Variants in GCSAML observed in about 807,000 individuals in gnomAD.
The protein encoded by GCSAML is germinal center-associated signaling and motility-like protein.
Under a neutral mutation model 13.0 loss-of-function variants are expected in GCSAML, and 9 were observed. The ratio of observed to expected loss-of-function variants is 0.69; its 90% CI spans 0.42 to 1.21. The LOEUF is 1.21. GCSAML is among the 50% of genes most tolerant of loss of function. The pLI is 0.00. For missense variants in GCSAML, 143 were observed against 153.4 expected, an observed-to-expected ratio of 0.93 and a Z score of 0.36; for synonymous variants, 37 against 52.9, an observed-to-expected ratio of 0.70 and a Z score of 1.31.
intron 1 of GCSAML, among the ~76,000 whole-genome samples, chr1:247,521,232 G>A (rs1284524168): frequency 1.3e-5 from 2 of 151,522 alleles, no homozygotes; most frequent in Non-Finnish European, 2.9e-5. Context: ...TATACCTGCA[G>A]TATTAATTAT....
At chr1:247,540,309 G>C (rs1306981778) in intron 2 of GCSAML, among the ~76,000 whole-genome samples, 1 of 152,200 alleles carries the variant, frequency 6.6e-6, no homozygotes, top group Non-Finnish European at 1.5e-5. Flanking sequence ...GGGATTATAG[G>C]CTTGAGCCAC....
At chr1:247,564,192 A>G (rs1027845365) in intron 3 of GCSAML, among the ~76,000 whole-genome samples, 14 of 152,098 alleles carry the variant, frequency 9.2e-5, no homozygotes, top group African/African-American at 3.1e-4. Context: ...TCAGCCTCCG[A>G]AAGTGCTGGG....
upstream of GCSAML, among the ~76,000 whole-genome samples, chr1:247,544,921 AC>A (rs1558248923): frequency 6.6e-6 from 1 of 152,192 alleles, no homozygotes; most frequent in South Asian, 2.1e-4. Flanking sequence ...ACAACAAATA[AC>A]CAAGCAATCT....
At chr1:247,557,482 T>C (rs1667995147) in intron 2 of GCSAML, among the ~76,000 whole-genome samples, 2 of 152,212 alleles carry the variant, frequency 1.3e-5, no homozygotes, top group African/African-American at 2.4e-5. Context: ...TGCACTAAGC[T>C]CTTTTTTAAT....
At chr1:247,568,068 A>ATAT (rs1668456004) in intron 4 of GCSAML, among the ~76,000 whole-genome samples, 1 of 151,812 alleles carries the variant, frequency 6.6e-6, no homozygotes, top group Non-Finnish European at 1.5e-5. Flanking sequence ...TAGATTCTGG[A>ATAT]TATTAGCTCT....
At chr1:247,565,882 C>T in intron 3 of GCSAML, 49 bp from the exon 4 acceptor site, 4 of 1,453,600 alleles carry the variant, frequency 2.8e-6, no homozygotes, top group Non-Finnish European at 2.8e-6. Context: ...GGGCAAAAGT[C>T]TCACAGTGCT....
upstream of GCSAML, among the ~76,000 whole-genome samples, chr1:247,547,157 A>G (rs1667614435): frequency 6.6e-6 from 1 of 152,094 alleles, no homozygotes; most frequent in Admixed American, 6.6e-5. Context: ...GGGTAGTAGG[A>G]TTCTGGGTTA....
At chr1:247,566,069 T>A in intron 4 of GCSAML, 110 bp downstream of exon 4, 1 of 675,338 alleles carries the variant, frequency 1.5e-6, no homozygotes, top group Middle Eastern at 4.2e-4. Flanking sequence ...TCTGTCTTCC[T>A]TTATTTGTAA....
intron 1 of GCSAML, among the ~76,000 whole-genome samples, chr1:247,522,069 G>A (rs1269320498): frequency 8.7e-5 from 13 of 149,440 alleles, no homozygotes; most frequent in South Asian, 2.1e-4. Context: ...CTGCCCGACC[G>A]CCCCATCTGA....
intron 1 of GCSAML, among the ~76,000 whole-genome samples, chr1:247,552,721 T>G (rs1667819126): frequency 6.6e-6 from 1 of 152,258 alleles, no homozygotes; most frequent in Non-Finnish European, 1.5e-5. Context: ...TATAGAGATC[T>G]ATTTGCAAAT....
intron 2 of GCSAML, among the ~76,000 whole-genome samples, chr1:247,535,801 T>C (rs1174863159): frequency 6.6e-6 from 1 of 152,176 alleles, no homozygotes. Context: ...AATAGCGTTT[T>C]CAGTAAAGGA....
chr1:247,569,003 C>CTG (rs144015490), intron 4 of GCSAML, among the ~76,000 whole-genome samples: 88,996 of 151,644 alleles, frequency 0.59, 26,714 homozygotes, highest in East Asian at 0.8. Flanking sequence ...ATTTGGCTCT[C>CTG]TTTGTCTGTT....
intron 1 of GCSAML, among the ~76,000 whole-genome samples, chr1:247,513,590 C>G (rs1335519580): frequency 6.6e-6 from 1 of 152,204 alleles, no homozygotes; most frequent in East Asian, 1.9e-4. Flanking sequence ...CAGTGTCTGC[C>G]CAAACGGCCA....
At chr1:247,535,346 T>C (rs1667177101) in intron 2 of GCSAML, among the ~76,000 whole-genome samples, 1 of 151,712 alleles carries the variant, frequency 6.6e-6, no homozygotes, top group African/African-American at 2.4e-5. Flanking sequence ...ATCAGGGAGG[T>C]AGAGTTGAGA....
At chr1:247,547,373 T>C (rs1297130354), upstream of GCSAML, among the ~76,000 whole-genome samples, 1 of 152,144 alleles carries the variant, frequency 6.6e-6, no homozygotes, top group East Asian at 1.9e-4. Context: ...AGGAGATTTG[T>C]TTACCAGACC....
intron 1 of GCSAML, among the ~76,000 whole-genome samples, chr1:247,555,908 T>G (rs1051914317): frequency 6.6e-6 from 1 of 152,174 alleles, no homozygotes; most frequent in Non-Finnish European, 1.5e-5. Flanking sequence ...AAGTCAGCTT[T>G]CCTGAATGTA....
intron 2 of GCSAML, among the ~76,000 whole-genome samples, chr1:247,539,481 G>C (rs554969464): frequency 2.0e-5 from 3 of 152,286 alleles, no homozygotes; most frequent in Non-Finnish European, 2.9e-5. Context: ...CTATACATGA[G>C]AGATGTTATC....
chr1:247,576,393 A>C lies in GCSAML; in HGVS notation c.*2011A>C, dbSNP rs149136913. 5 of 152,132 alleles carry C rather than the reference A, an allele frequency of 3.3e-5. No homozygotes were observed. Among genetic ancestry groups the C allele is most frequent in the African/African-American group, 1.2e-4 (5 of 41,420 alleles). The allele number at this position is 152,132 out of a possible 1,614,324, so 9.4% of individuals were successfully genotyped here. A position where few individuals can be genotyped will look rare whatever the true frequency, so the allele number is the denominator to read the frequency against. On this transcript the variant is annotated 3_prime_UTR_variant, in exon 5 of 5. Transcript: ENST00000366488. ...GACCTCGTTTCTACAAATAATTAAA[A>C]AATTAGCCAGGTGTGGTGGTGCACA...
chr1:247,565,445 C>G (rs905223338), intron 3 of GCSAML, among the ~76,000 whole-genome samples: 1 of 151,920 alleles, frequency 6.6e-6, no homozygotes, highest in Non-Finnish European at 1.5e-5. Context: ...CATGAATCTG[C>G]ATATTTGTGT....
Sources: gnomAD v4.1 joint callset for allele counts (sites outside exome capture counted in the v4.1 genomes callset) on GRCh38, gnomAD v4.1.1 for gene constraint, MANE v1.5 for transcripts, NCBI Gene and HGNC (gene_info 2026-07-23, HGNC 2026-07-21) for gene names.